The following CNGA1 variants were observed in gnomAD, a reference collection of about 807,000 sequenced individuals.
The protein encoded by CNGA1 is cyclic nucleotide-gated channel alpha-1.
CNGA1 carries 53 observed loss-of-function variants against 69.7 expected under a neutral mutation model. That is an observed-to-expected ratio of 0.76 (90% CI 0.61 to 0.96). The LOEUF (loss-of-function observed/expected upper bound fraction) is 0.96, where lower values mean the gene tolerates loss of function less well. Among genes scored for constraint, CNGA1 ranks in the 40% least tolerant of loss-of-function variants. The pLI is 0.00. For missense variants in CNGA1, 739 were observed against 811.2 expected (o/e 0.91, Z 1.08); for synonymous variants, 249 against 283.5 (o/e 0.88, Z 1.22).
intron 3 of CNGA1, among the ~76,000 whole-genome samples, chr4:47,964,508 A>G (rs1740621711): frequency 2.0e-5 from 3 of 152,166 alleles, no homozygotes; most frequent in South Asian, 4.1e-4. Context: ...TTTGAAATTT[A>G]TAATTATTTA....
At chr4:47,986,552 T>G (rs1442857371) in intron 2 of CNGA1, among the ~76,000 whole-genome samples, 1 of 152,206 alleles carries the variant, frequency 6.6e-6, no homozygotes, top group Non-Finnish European at 1.5e-5. Context: ...TGTGTTTTCA[T>G]GTGTGTAGAG....
chr4:47,950,232 G>T (rs1224562955), intron 5 of CNGA1, among the ~76,000 whole-genome samples: 2 of 152,160 alleles, frequency 1.3e-5, no homozygotes, highest in African/African-American at 4.8e-5. Context: ...AATCATAGGG[G>T]TGGGTGTTGC....
At chr4:47,945,839 CAG>C (rs1366129206) in intron 6 of CNGA1, among the ~76,000 whole-genome samples, 1 of 152,110 alleles carries the variant, frequency 6.6e-6, no homozygotes, top group African/African-American at 2.4e-5. Context: ...TAGTGGATGG[CAG>C]AGAGACTACT....
At chr4:47,949,376 T>C (rs1306127985) in intron 6 of CNGA1, among the ~76,000 whole-genome samples, 2 of 152,178 alleles carry the variant, frequency 1.3e-5, no homozygotes, top group Non-Finnish European at 2.9e-5. Context: ...GAGAATCACA[T>C]TGTACATCAG....
At chr4:47,966,853 G>A (rs1346277372) in intron 3 of CNGA1, among the ~76,000 whole-genome samples, 1 of 152,160 alleles carries the variant, frequency 6.6e-6, no homozygotes, top group African/African-American at 2.4e-5. Context: ...AAAATAAGGA[G>A]AGAAACCAAA....
At chr4:48,014,901 G>C (rs895306932) in intron 1 of CNGA1, among the ~76,000 whole-genome samples, 5 of 152,174 alleles carry the variant, frequency 3.3e-5, no homozygotes, top group African/African-American at 1.2e-4. Context: ...GGCCGGGCTA[G>C]GTGGCTCACG....
At chr4:47,967,546 AAAAT>A (rs1333775489) in intron 3 of CNGA1, among the ~76,000 whole-genome samples, 1 of 152,220 alleles carries the variant, frequency 6.6e-6, no homozygotes, top group African/African-American at 2.4e-5. Context: ...AGTCAACCAT[AAAAT>A]AAATTCTTCA....
At chr4:48,005,709 C>A (rs1167385569) in intron 2 of CNGA1, among the ~76,000 whole-genome samples, 2 of 152,132 alleles carry the variant, frequency 1.3e-5, no homozygotes, top group Non-Finnish European at 2.9e-5. Flanking sequence ...ACTGTATAGA[C>A]AAAAGTATGA....
chr4:47,957,229 A>G (rs968014274), intron 3 of CNGA1, among the ~76,000 whole-genome samples: 19 of 152,050 alleles, frequency 1.2e-4, no homozygotes, highest in Non-Finnish European at 2.4e-4. Flanking sequence ...AGCCACTGCC[A>G]CCAGCCTGCA....
intron 2 of CNGA1, among the ~76,000 whole-genome samples, chr4:47,995,986 G>A (rs1193914777): frequency 2.6e-5 from 4 of 152,122 alleles, no homozygotes; most frequent in African/African-American, 9.7e-5. Flanking sequence ...ACAGAGTCCT[G>A]TTACATAAAC....
intron 3 of CNGA1, among the ~76,000 whole-genome samples, chr4:47,969,593 C>A (rs2110193813): frequency 6.6e-6 from 1 of 152,174 alleles, no homozygotes; most frequent in Non-Finnish European, 1.5e-5. Flanking sequence ...CCTCAGCCTC[C>A]CTAGTAGCTG....
At position 47,937,359 on chromosome 4, in the gene CNGA1, C is replaced by A. The variant is rs1289621744; in HGVS notation, c.1123G>T (p.Val375Leu). The A allele has an allele frequency of 6.2e-7, 1 of 1,614,126 alleles. No homozygotes were observed. Among genetic ancestry groups the A allele is most frequent in the East Asian group, 2.2e-5 (1 of 44,882 alleles). Residue 375 changes from valine to leucine, a missense_variant, in exon 11 of 11, where the codon GTG becomes TTG. Coordinates refer to ENST00000514170, the MANE Select transcript of CNGA1 (RefSeq NM_001379270.1). Reference protein sequence around the residue: ...PVRDSEYVFVVVDFLIGVLIF... With the variant: ...PVRDSEYVFVLVDFLIGVLIF... ...AACACTCCAATTAGGAAATCAACCA[C>A]CACAAAGACATACTCAGAATCCCTC...
intron 10 of CNGA1, among the ~76,000 whole-genome samples, chr4:47,940,218 T>TTATA (rs1161926962): frequency 3.3e-5 from 5 of 152,232 alleles, no homozygotes; most frequent in African/African-American, 1.2e-4. Flanking sequence ...TCTTAAAAGG[T>TTATA]TATAGTCTGT....
intron 3 of CNGA1, among the ~76,000 whole-genome samples, 199 bp downstream of exon 3, chr4:47,981,194 G>C (rs774024967): frequency 5.9e-5 from 9 of 152,152 alleles, no homozygotes; most frequent in Admixed American, 2.0e-4. Context: ...ATTCAGATTA[G>C]CAGAATCATA....
intron 3 of CNGA1, among the ~76,000 whole-genome samples, chr4:47,978,642 A>G (rs1578106597): frequency 6.6e-6 from 1 of 152,206 alleles, no homozygotes; most frequent in Non-Finnish European, 1.5e-5. Flanking sequence ...AGGTAATGAT[A>G]ATTTTCTCTC....
chr4:47,993,823 G>A (rs181206124), intron 2 of CNGA1, among the ~76,000 whole-genome samples: 22 of 151,822 alleles, frequency 1.4e-4, no homozygotes, highest in African/African-American at 4.8e-4. Flanking sequence ...TTGGGGCTTT[G>A]AATTTCCTGT....
intron 6 of CNGA1, among the ~76,000 whole-genome samples, chr4:47,946,770 TTTTCTTTC>T (rs140558527): frequency 0.84 from 127,228 of 151,062 alleles, 53,845 homozygotes; most frequent in East Asian, 0.98. Flanking sequence ...CCCTTCGTCT[TTTTCTTTC>T]TTTCTTTCTT....
intron 3 of CNGA1, among the ~76,000 whole-genome samples, chr4:47,978,989 G>A (rs1232766507): frequency 6.6e-6 from 1 of 152,078 alleles, no homozygotes; most frequent in East Asian, 1.9e-4. Flanking sequence ...GTAAGCACTT[G>A]TCCCAGACTA....
At chr4:47,996,987 G>C (rs1742497839) in intron 2 of CNGA1, among the ~76,000 whole-genome samples, 1 of 152,140 alleles carries the variant, frequency 6.6e-6, no homozygotes, top group Non-Finnish European at 1.5e-5. Context: ...TTGAACCCAG[G>C]AGGTGGAGGT....
Sources: gnomAD v4.1 joint callset for allele counts (sites outside exome capture counted in the v4.1 genomes callset) on GRCh38, gnomAD v4.1.1 for gene constraint, MANE v1.5 for transcripts, NCBI Gene and HGNC (gene_info 2026-07-23, HGNC 2026-07-21) for gene names.